Variants in ALG14 observed in about 807,000 individuals in gnomAD.
ALG14 encodes UDP-N-acetylglucosamine transferase subunit ALG14.
A neutral mutation model predicts 22.8 loss-of-function variants in ALG14; 17 were observed. The ratio of observed to expected loss-of-function variants is 0.75; its 90% confidence interval spans 0.51 to 1.12. The LOEUF (loss-of-function observed/expected upper bound fraction) is 1.12. Among genes scored for constraint, ALG14 ranks in the 50% most tolerant of loss-of-function variants. The probability of loss-of-function intolerance (pLI) is 0.00; values close to 1 mark genes in which losing one functional copy is unlikely to be tolerated. For missense variants in ALG14, 288 were observed against 271.8 expected (o/e 1.06, Z -0.42); for synonymous variants, 89 against 103.7 (o/e 0.86, Z 0.86).
At position 95,009,766 on chromosome 1, in the gene ALG14, G is replaced by C. The variant is rs1445341734; in HGVS notation, c.420+17363C>G. Reference sequence around the variant, plus strand: ...GATGTGGAACAGAAAAAGAACAATGGTGGAAAGACTGGTAATAAAGTCTGT... The same window carrying C: ...GATGTGGAACAGAAAAAGAACAATGCTGGAAAGACTGGTAATAAAGTCTGT... On this transcript the variant is annotated intron_variant, in intron 3 of 3. Transcript: ENST00000370205. Among the ~76,000 whole-genome samples, 3 of 152,212 alleles carry C rather than the reference G, an allele frequency of 2.0e-5. No homozygotes were observed. In the East Asian group the frequency reaches 5.8e-4, roughly 29 times the overall value.
chr1:95,015,862 G>C (rs1044188896), intron 3 of ALG14, among the ~76,000 whole-genome samples: 1 of 152,242 alleles, frequency 6.6e-6, no homozygotes, highest in African/African-American at 2.4e-5. Context: ...ACTGGGCATT[G>C]TGTAGACATT....
chr1:95,063,313 A>C lies in ALG14; in HGVS notation c.288+1553T>G, dbSNP rs896856782. 2.6e-5 allele frequency among the ~76,000 whole-genome samples: 4 copies of C among 152,072 alleles called. No individual in the cohort carries two copies. In the South Asian group the frequency reaches 8.3e-4, roughly 32 times the overall value. On this transcript the variant is annotated intron_variant, in intron 2 of 3. Coordinates refer to ENST00000370205, the MANE Select transcript of ALG14 (RefSeq NM_144988.4). Reference sequence around the variant, plus strand: ...TTAGTTTAATTAGATCACATTTTTCAATTTTTACTTTTGTTGCAATTGCTT... The same window carrying C: ...TTAGTTTAATTAGATCACATTTTTCCATTTTTACTTTTGTTGCAATTGCTT...
chr1:95,066,370 T>C (rs1473338759), intron 1 of ALG14, among the ~76,000 whole-genome samples: 1 of 152,042 alleles, frequency 6.6e-6, no homozygotes, highest in Admixed American at 6.6e-5. Context: ...ATTACATGCG[T>C]GTGCCACCAC....
chr1:95,022,385 T>A (rs948875489), intron 3 of ALG14: 1 of 985,128 alleles, frequency 1.0e-6, no homozygotes, highest in African/African-American at 1.7e-5. Context: ...AAGCAGTTTG[T>A]CAGTCACAAG....
Position 95,021,349 on chromosome 1 carries a change from T to A in ALG14, c.420+5780A>T, listed in dbSNP as rs188380146. Among the ~76,000 whole-genome samples the A allele has an allele frequency of 5.2e-3, 793 of 152,232 alleles. 3 individuals carry two copies. The highest frequency in any genetic ancestry group is 0.01 in the Middle Eastern group (3 of 294). Reference sequence around the variant, plus strand: ...TCACCGTTCCTCAAGGAGTTCACAGTCTGTATTCAAATTTTTAAAACTTCC... The same window carrying A: ...TCACCGTTCCTCAAGGAGTTCACAGACTGTATTCAAATTTTTAAAACTTCC... On this transcript the variant is annotated intron_variant, in intron 3 of 3. Coordinates refer to ENST00000370205, the MANE Select transcript of ALG14 (RefSeq NM_144988.4).
intron 3 of ALG14, among the ~76,000 whole-genome samples, chr1:94,987,756 C>T (rs775046906): frequency 2.6e-5 from 4 of 152,154 alleles, no homozygotes; most frequent in Non-Finnish European, 4.4e-5. Flanking sequence ...AAAACACCCC[C>T]GCCAAATATG....
At chr1:94,996,248 A>G (rs1477703826) in intron 3 of ALG14, among the ~76,000 whole-genome samples, 1 of 152,246 alleles carries the variant, frequency 6.6e-6, no homozygotes, top group South Asian at 2.1e-4. Context: ...ACAAGCTCTC[A>G]GGTGATTCTG....
chr1:95,000,159 A>C (rs140603116), intron 3 of ALG14, among the ~76,000 whole-genome samples: 372 of 152,270 alleles, frequency 2.4e-3, no homozygotes, highest in African/African-American at 8.7e-3. Context: ...TTGAAGGCTC[A>C]CCTGAATTAT....
intron 3 of ALG14, among the ~76,000 whole-genome samples, chr1:94,985,357 T>C (rs1355331182): frequency 6.6e-6 from 1 of 152,234 alleles, no homozygotes; most frequent in Non-Finnish European, 1.5e-5. Flanking sequence ...TTACTTAGCG[T>C]GCTTCGCAGC....
chr1:95,058,928 C>A lies in ALG14; in HGVS notation c.288+5938G>T, dbSNP rs116347403. Among the ~76,000 whole-genome samples the A allele has an allele frequency of 8.4e-3, 1,271 of 151,606 alleles. 25 individuals carry two copies. Among genetic ancestry groups the A allele is most frequent in the African/African-American group, 0.03 (1,224 of 41,398 alleles). On this transcript the variant is annotated intron_variant, in intron 2 of 3. Coordinates refer to ENST00000370205, the MANE Select transcript of ALG14 (RefSeq NM_144988.4). ...ATTCTTGACATTTCATGATTCTTTT[C>A]CCTCATATTTGCCTTATTGCCTGGA...
chr1:95,043,058 T>C lies in ALG14; in HGVS notation c.289-15798A>G, dbSNP rs548735284. ...AAAATTTTAATAGCCAAGGGGTTTT[T>C]TTTGTTCTTAGTTTTTTAAAAAATA... On this transcript the variant is annotated intron_variant, in intron 2 of 3. Transcript: ENST00000370205. 1.2e-4 allele frequency among the ~76,000 whole-genome samples: 18 copies of C among 152,310 alleles called. No homozygotes were observed. In the East Asian group the frequency reaches 2.5e-3, roughly 21 times the overall value.
intron 2 of ALG14, among the ~76,000 whole-genome samples, chr1:95,029,192 C>G (rs1673918554): frequency 7.9e-6 from 1 of 127,280 alleles, no homozygotes. Flanking sequence ...GAATCCACTT[C>G]CAAGGTGGCT....
chr1:95,036,437 T>C (rs1674196962), intron 2 of ALG14, among the ~76,000 whole-genome samples: 1 of 144,360 alleles, frequency 6.9e-6, no homozygotes, highest in South Asian at 2.3e-4. Context: ...TTTTTTTTTT[T>C]TTTTTTTGAG....
chr1:95,049,432 G>C (rs1467217473), intron 2 of ALG14, among the ~76,000 whole-genome samples: 1 of 152,118 alleles, frequency 6.6e-6, no homozygotes, highest in Non-Finnish European at 1.5e-5. Flanking sequence ...CTACTCAGGA[G>C]ACTGAGGTGG....
At chr1:95,062,238 G>T (rs1008872886) in intron 2 of ALG14, 1 of 152,166 alleles carries the variant, frequency 6.6e-6, no homozygotes, top group East Asian at 1.9e-4. Flanking sequence ...ACGAAAAACT[G>T]CTTTCTCTAT....
At chr1:95,070,059 T>TA (rs1286277614) in intron 1 of ALG14, among the ~76,000 whole-genome samples, 1 of 151,958 alleles carries the variant, frequency 6.6e-6, no homozygotes, top group Non-Finnish European at 1.5e-5. Flanking sequence ...TTAATTAAAT[T>TA]AAAAAAATTA....
intron 3 of ALG14, among the ~76,000 whole-genome samples, chr1:95,026,462 A>ATG (rs141495807): frequency 0.2 from 28,850 of 142,188 alleles, 2,813 homozygotes; most frequent in Admixed American, 0.24. Flanking sequence ...AGCCCAAGGA[A>ATG]TGTGTGTGTG....
At chr1:95,027,315 A>T in intron 2 of ALG14, 55 bp from the exon 3 acceptor site, 2 of 1,584,870 alleles carry the variant, frequency 1.3e-6, no homozygotes, top group Non-Finnish European at 1.7e-6. Context: ...TCAAAGTTAA[A>T]CATAGTAACA....
chr1:94,981,468 TAAA>T lies in ALG14; in HGVS notation c.*1605_*1607del. On this transcript the variant is annotated 3_prime_UTR_variant, in exon 4 of 4. Transcript: ENST00000370205. ...TTTTGTTTTTTTTGCTTTTTTTTTT[TAAA>T]AAAAAAAAAAAGAAAAAAGGCTGGA... 9.2e-6 allele frequency: 1 copy of T among 108,248 alleles called. No individual in the cohort carries two copies. Among genetic ancestry groups the T allele is most frequent in the Admixed American group, 8.8e-5 (1 of 11,356 alleles). 6.7% of individuals were successfully genotyped at this position (108,248 alleles called of 1,614,324 possible).
Sources: allele counts gnomAD v4.1 joint callset (sites outside exome capture counted in the v4.1 genomes callset), GRCh38; gene constraint gnomAD v4.1.1; transcripts MANE v1.5; gene names NCBI Gene and HGNC (gene_info 2026-07-23, HGNC 2026-07-21).